Variants in EFCAB5 observed in about 807,000 individuals in gnomAD.
The protein encoded by EFCAB5 is EF-hand calcium-binding domain-containing protein 5.
In EFCAB5, 131 loss-of-function variants were observed where a neutral mutation model predicts 167.9. That is an observed-to-expected ratio of 0.78 (90% confidence interval 0.68 to 0.90). The LOEUF (loss-of-function observed/expected upper bound fraction) is 0.90. EFCAB5 is among the 40% of genes least tolerant of loss of function. The pLI, the probability that EFCAB5 is intolerant of heterozygous loss-of-function variation, is 0.00. For missense variants in EFCAB5, 1,663 were observed against 1,745.2 expected (o/e 0.95, Z 0.84); for synonymous variants, 574 against 602.8 (o/e 0.95, Z 0.70).
chr17:30,034,198 C>T (rs1371998161), intron 7 of EFCAB5, 32 bp from the exon 8 acceptor site: 3 of 1,606,432 alleles, frequency 1.9e-6, no homozygotes, highest in South Asian at 2.2e-5. Context: ...GGTTTTAAGT[C>T]AATCGTTTAT....
At chr17:29,980,093 C>G (rs542790558) in intron 4 of EFCAB5, among the ~76,000 whole-genome samples, 1 of 152,002 alleles carries the variant, frequency 6.6e-6, no homozygotes, top group Admixed American at 6.6e-5. Context: ...TGCTTGACCC[C>G]GGGAGGCGGA....
At chr17:30,045,179 C>T (rs541368289) in intron 8 of EFCAB5, among the ~76,000 whole-genome samples, 81 of 152,106 alleles carry the variant, frequency 5.3e-4, no homozygotes, top group African/African-American at 1.6e-3. Context: ...CATAAGTGGC[C>T]GGGCACGGTG....
intron 3 of EFCAB5, among the ~76,000 whole-genome samples, chr17:29,944,617 G>GTTTTTTT (rs1223652580): frequency 2.2e-5 from 3 of 139,462 alleles, no homozygotes; most frequent in African/African-American, 2.7e-5. Flanking sequence ...GTTGTTTTCT[G>GTTTTTTT]TTTTGTTTTG....
intron 7 of EFCAB5, among the ~76,000 whole-genome samples, chr17:30,012,393 C>G (rs1428742993): frequency 6.6e-6 from 1 of 152,204 alleles, no homozygotes; most frequent in Non-Finnish European, 1.5e-5. Flanking sequence ...ACACCTGGCT[C>G]TGCCTTCTAG....
intron 4 of EFCAB5, among the ~76,000 whole-genome samples, chr17:29,978,137 TG>T (rs2068099247): frequency 6.6e-6 from 1 of 152,182 alleles, no homozygotes; most frequent in East Asian, 1.9e-4. Context: ...CTACACCAGC[TG>T]CCACCCATTT....
intron 12 of EFCAB5, 147 bp from the exon 13 acceptor site, chr17:30,057,528 GA>G: frequency 1.5e-6 from 1 of 673,054 alleles, no homozygotes; most frequent in Non-Finnish European, 2.5e-6. Flanking sequence ...TTTTTCCAAA[GA>G]AAAAAGGAGG....
At chr17:30,037,772 T>C (rs901029153) in intron 8 of EFCAB5, among the ~76,000 whole-genome samples, 5 of 152,092 alleles carry the variant, frequency 3.3e-5, no homozygotes, top group African/African-American at 7.2e-5. Context: ...TATTAGTAAA[T>C]TAAAAAATAC....
chr17:30,015,733 G>T (rs2069020139), intron 7 of EFCAB5, among the ~76,000 whole-genome samples: 1 of 145,352 alleles, frequency 6.9e-6, no homozygotes, highest in Admixed American at 6.8e-5. Flanking sequence ...ACCTTTTCAT[G>T]TTCTTATTGT....
chr17:30,076,398 T>G (rs372852810), intron 14 of EFCAB5, among the ~76,000 whole-genome samples: 3 of 152,160 alleles, frequency 2.0e-5, no homozygotes, highest in Non-Finnish European at 4.4e-5. Flanking sequence ...TTCAAACACA[T>G]GATCAGAGAT....
intron 8 of EFCAB5, among the ~76,000 whole-genome samples, chr17:30,050,216 C>T (rs2070049695): frequency 6.6e-6 from 1 of 151,816 alleles, no homozygotes; most frequent in Non-Finnish European, 1.5e-5. Flanking sequence ...TTCACCGCAA[C>T]CTCCGCCTCC....
intron 7 of EFCAB5, among the ~76,000 whole-genome samples, chr17:30,026,160 A>AC (rs1246863760): frequency 1.3e-5 from 2 of 151,882 alleles, no homozygotes; most frequent in African/African-American, 4.8e-5. Flanking sequence ...CCTAAAACTT[A>AC]AAGTATAATA....
At position 30,078,382 on chromosome 17, in the gene EFCAB5, C is replaced by T; in HGVS notation, c.2905C>T (p.His969Tyr). The change falls in exon 15 of 23, where the codon CAC (histidine) becomes TAC (tyrosine). Residue 969 changes from histidine (H) to tyrosine (Y), a missense_variant. By Grantham distance (83) the His-to-Tyr change is moderately conservative (BLOSUM62 2). Coordinates refer to ENST00000394835, the MANE Select transcript of EFCAB5 (RefSeq NM_198529.4). ...EFLMNALERS[H>Y]IESLRNSARR... The stretch of plus-strand genomic sequence containing the variant: ...TCTGATGAATGCTTTAGAGAGGAGC[C>T]ACATTGAGAGTCTGAGGAATTCTGC... 1 of 1,613,960 alleles carries T rather than the reference C, an allele frequency of 6.2e-7. No homozygotes were observed. The highest frequency in any genetic ancestry group is 8.5e-7 in the Non-Finnish European group (1 of 1,179,882).
At chr17:29,998,934 C>A (rs1180921169) in intron 6 of EFCAB5, among the ~76,000 whole-genome samples, 1 of 152,168 alleles carries the variant, frequency 6.6e-6, no homozygotes, top group Non-Finnish European at 1.5e-5. Context: ...CGGTCACATT[C>A]ATCATTACTG....
intron 4 of EFCAB5, among the ~76,000 whole-genome samples, chr17:29,990,235 T>C (rs1665775322): frequency 6.6e-6 from 1 of 152,174 alleles, no homozygotes; most frequent in Non-Finnish European, 1.5e-5. Context: ...GTGCTGTAGA[T>C]AAATGATTGA....
At chr17:29,931,872 A>G (rs910249235) in intron 1 of EFCAB5, among the ~76,000 whole-genome samples, 1 of 152,182 alleles carries the variant, frequency 6.6e-6, no homozygotes, top group African/African-American at 2.4e-5. Flanking sequence ...GGCAACAATG[A>G]TGTTCTACTT....
intron 22 of EFCAB5, among the ~76,000 whole-genome samples, chr17:30,102,801 A>C (rs1315997748): frequency 6.6e-6 from 1 of 151,826 alleles, no homozygotes; most frequent in Non-Finnish European, 1.5e-5. Flanking sequence ...AAGAAAGAAA[A>C]ATACCAAAGG....
intron 8 of EFCAB5, among the ~76,000 whole-genome samples, chr17:30,043,513 C>T (rs2069833570): frequency 6.6e-6 from 1 of 152,050 alleles, no homozygotes; most frequent in Non-Finnish European, 1.5e-5. Flanking sequence ...AAAACAAATA[C>T]ATAAATTTAG....
At chr17:30,007,169 G>A (rs2068789637) in intron 7 of EFCAB5, among the ~76,000 whole-genome samples, 1 of 152,076 alleles carries the variant, frequency 6.6e-6, no homozygotes, top group Non-Finnish European at 1.5e-5. Context: ...ACAGTATTAG[G>A]TAAAATTTTT....
intron 7 of EFCAB5, among the ~76,000 whole-genome samples, chr17:30,003,453 A>T (rs180914361): frequency 1.3e-5 from 2 of 152,108 alleles, no homozygotes; most frequent in Admixed American, 6.6e-5. Context: ...GGCTAGTCTG[A>T]AACTCCTGAG....
Sources: allele counts gnomAD v4.1 joint callset (sites outside exome capture counted in the v4.1 genomes callset), GRCh38; gene constraint gnomAD v4.1.1; transcripts MANE v1.5; gene names NCBI Gene and HGNC (gene_info 2026-07-23, HGNC 2026-07-21).